RBPJ: variants seen among roughly 807,000 people sequenced by gnomAD.
RBPJ encodes the protein recombining binding protein suppressor of hairless.
RBPJ carries 9 observed loss-of-function variants against 67.8 expected under a neutral mutation model. The observed-to-expected ratio is 0.13, with a 90% CI of 0.08 to 0.23. The LOEUF (loss-of-function observed/expected upper bound fraction) is 0.23, where lower values mean the gene tolerates loss of function less well. RBPJ is among the 10% of genes least tolerant of loss of function. RBPJ has a pLI of 1.00. For missense variants in RBPJ, 305 were observed against 595.6 expected, an observed-to-expected ratio of 0.51 and a Z score of 5.08; for synonymous variants, 198 against 203.3, an observed-to-expected ratio of 0.97 and a Z score of 0.22.
chr4:26,338,438 G>A (rs368142097), intron 1 of RBPJ, among the ~76,000 whole-genome samples: 1 of 151,994 alleles, frequency 6.6e-6, no homozygotes, highest in East Asian at 1.9e-4. Context: ...ACGGGTGTGA[G>A]CCACTGCGCC....
At chr4:26,161,603 G>T (rs926669543), upstream of RBPJ, among the ~76,000 whole-genome samples, 1 of 152,154 alleles carries the variant, frequency 6.6e-6, no homozygotes, top group African/African-American at 2.4e-5. Flanking sequence ...TCAGGAAAGT[G>T]GATGGAGCTG....
At chr4:26,411,050 A>G (rs1266569561) in intron 3 of RBPJ, among the ~76,000 whole-genome samples, 1 of 152,168 alleles carries the variant, frequency 6.6e-6, no homozygotes, top group Admixed American at 6.5e-5. Context: ...TTTGATACAT[A>G]TTGACCAACT....
chr4:26,193,390 G>A (rs1290643255), intron 1 of RBPJ, among the ~76,000 whole-genome samples: 1 of 152,096 alleles, frequency 6.6e-6, no homozygotes, highest in Admixed American at 6.5e-5. Flanking sequence ...ATAAGTAAAG[G>A]TTATCCACAG....
the RBPJ span, among the ~76,000 whole-genome samples, chr4:26,136,061 T>C: frequency 1.8e-4 from 28 of 152,184 alleles, no homozygotes; most frequent in African/African-American, 6.8e-4. Flanking sequence ...AGAGAGCTTA[T>C]GCAGAAGAAC....
intron 1 of RBPJ, among the ~76,000 whole-genome samples, chr4:26,278,313 G>GA (rs2109272033): frequency 6.6e-6 from 1 of 152,242 alleles, no homozygotes; most frequent in African/African-American, 2.4e-5. Context: ...GAGGGATCCA[G>GA]AAAAAATGTT....
intron 1 of RBPJ, among the ~76,000 whole-genome samples, chr4:26,246,859 G>A (rs1719944372): frequency 6.6e-6 from 1 of 152,126 alleles, no homozygotes; most frequent in Non-Finnish European, 1.5e-5. Context: ...TCTTGCTGAG[G>A]GGCCGCGCAC....
At chr4:26,419,256 G>A (rs1008478143) in intron 4 of RBPJ, among the ~76,000 whole-genome samples, 2 of 152,196 alleles carry the variant, frequency 1.3e-5, no homozygotes, top group African/African-American at 2.4e-5. Flanking sequence ...TGAGATTACA[G>A]GCATGAGCCA....
At chr4:26,166,957 C>A (rs1022397931) in intron 1 of RBPJ, among the ~76,000 whole-genome samples, 2 of 152,200 alleles carry the variant, frequency 1.3e-5, no homozygotes, top group African/African-American at 4.8e-5. Context: ...TTCCCAGCAC[C>A]ATTTATTAAA....
At chr4:26,356,564 T>C (rs967215509) in intron 1 of RBPJ, among the ~76,000 whole-genome samples, 4 of 152,220 alleles carry the variant, frequency 2.6e-5, no homozygotes, top group African/African-American at 9.6e-5. Context: ...TAAATACAGT[T>C]TGGGTTTTCT....
chr4:26,416,663 G>A (rs1023431578), intron 4 of RBPJ, among the ~76,000 whole-genome samples: 6 of 152,124 alleles, frequency 3.9e-5, no homozygotes, highest in East Asian at 1.9e-4. Context: ...CTAAAATAGC[G>A]CATAAACAGC....
chr4:26,158,956 TCTCTC>T (rs1560191676), upstream of RBPJ, among the ~76,000 whole-genome samples: 1 of 146,914 alleles, frequency 6.8e-6, no homozygotes, highest in Non-Finnish European at 1.5e-5. Flanking sequence ...TCTCTCTCTC[TCTCTC>T]TCTCTCTCTC....
intron 7 of RBPJ, among the ~76,000 whole-genome samples, chr4:26,425,481 A>T (rs567204472): frequency 6.6e-6 from 1 of 151,908 alleles, no homozygotes; most frequent in Non-Finnish European, 1.5e-5. Flanking sequence ...TTAGCCAGGC[A>T]TGGTGGTGCA....
At chr4:26,270,441 A>AAAGAAAGAAAGAAAGAAAGAAAG (rs1577375958) in intron 1 of RBPJ, among the ~76,000 whole-genome samples, 15 of 116,384 alleles carry the variant, frequency 1.3e-4, no homozygotes, top group East Asian at 8.5e-4. Context: ...AAGAAAGAAG[A>AAAGAAAGAAAGAAAGAAAGAAAG]AAGAAAGAAA....
rs539641470 is a variant in RBPJ, at chr4:26,186,139, A to G, written c.-167+22525A>G. On this transcript the variant is annotated intron_variant, in intron 1 of 4. Coordinates refer to the RBPJ transcript ENST00000512351. The stretch of plus-strand genomic sequence containing the variant: ...AAGAATTCTGATAGGCCTGATAGAC[A>G]TCCACTTAAGTATAGAGAATACCGT... 3.3e-5 allele frequency among the ~76,000 whole-genome samples: 5 copies of G among 151,246 alleles called. No homozygotes were observed. In the East Asian group the frequency reaches 9.7e-4, roughly 29 times the overall value.
chr4:26,115,154 C>A, the RBPJ span, among the ~76,000 whole-genome samples: 3 of 152,190 alleles, frequency 2.0e-5, no homozygotes, highest in Non-Finnish European at 4.4e-5. Context: ...CTTCACAGAA[C>A]CTGCTGTCAA....
chr4:26,151,225 G>A, the RBPJ span, among the ~76,000 whole-genome samples: 1 of 152,122 alleles, frequency 6.6e-6, no homozygotes, highest in African/African-American at 2.4e-5. Context: ...CTGTGCCTTT[G>A]TGTTTACATG....
rs1266920107 is a variant in RBPJ at position 26,321,054 on chromosome 4, T to C, written c.20+6T>C. On this transcript the variant is annotated splice_donor_region_variant and intron_variant, in intron 1 of 10. Coordinates refer to ENST00000355476, the MANE Select transcript of RBPJ (RefSeq NM_015874.6). Reference sequence around the variant, plus strand: ...ATGGCGCCTGTTGTGACAGGGTAAGTCTGAGGGAATCGGAGCGCCGGGAAC... The same window carrying C: ...ATGGCGCCTGTTGTGACAGGGTAAGCCTGAGGGAATCGGAGCGCCGGGAAC... 1 of 1,603,764 alleles carries C rather than the reference T, an allele frequency of 6.2e-7. No homozygotes were observed. The highest frequency in any genetic ancestry group is 1.7e-5 in the Admixed American group (1 of 59,864).
intron 1 of RBPJ, among the ~76,000 whole-genome samples, chr4:26,204,106 GACTAATTTTTGTA>G (rs1301940592): frequency 2.6e-5 from 4 of 152,078 alleles, no homozygotes; most frequent in Non-Finnish European, 5.9e-5. Flanking sequence ...CACCATGCCT[GACTAATTTTTGTA>G]TTTTTTGTAG....
intron 1 of RBPJ, among the ~76,000 whole-genome samples, chr4:26,184,693 C>T (rs1414815307): frequency 2.0e-5 from 3 of 152,190 alleles, no homozygotes; most frequent in South Asian, 4.1e-4. Flanking sequence ...GAGTGGGAGG[C>T]CAAGTCCGGG....
Sources: gnomAD v4.1 joint callset for allele counts (sites outside exome capture counted in the v4.1 genomes callset) on GRCh38, gnomAD v4.1.1 for gene constraint, MANE v1.5 for transcripts, NCBI Gene and HGNC (gene_info 2026-07-23, HGNC 2026-07-21) for gene names.